Variants in GATAD2B observed in about 807,000 individuals in gnomAD.
GATAD2B encodes transcriptional repressor p66-beta.
In GATAD2B, 8 loss-of-function variants were observed where a neutral mutation model predicts 64.3. The ratio of observed to expected loss-of-function variants is 0.12; its 90% CI spans 0.07 to 0.22. The LOEUF is 0.22. Ranked by LOEUF, GATAD2B falls within the 10% of genes least tolerant of loss-of-function variation. The probability of loss-of-function intolerance (pLI) is 1.00; values close to 1 mark genes in which losing one functional copy is unlikely to be tolerated. For missense variants in GATAD2B, 453 were observed against 752.0 expected, an observed-to-expected ratio of 0.60 and a Z score of 4.65; for synonymous variants, 281 against 271.3, an observed-to-expected ratio of 1.04 and a Z score of -0.35.
chr1:153,889,482 G>C (rs895974417), intron 1 of GATAD2B, among the ~76,000 whole-genome samples: 4 of 150,612 alleles, frequency 2.7e-5, no homozygotes, highest in Non-Finnish European at 4.4e-5. Flanking sequence ...AATCACTCTG[G>C]GCAGGCAAGT....
intron 8 of GATAD2B, 143 bp from the exon 9 acceptor site, chr1:153,812,275 T>C: frequency 1.7e-6 from 1 of 593,912 alleles, no homozygotes; most frequent in Non-Finnish European, 3.0e-6. Context: ...AGCAATCCTC[T>C]CACCTTAGCC....
intron 1 of GATAD2B, among the ~76,000 whole-genome samples, chr1:153,895,439 T>C (rs1049691862): frequency 2.7e-5 from 4 of 148,824 alleles, no homozygotes; most frequent in Non-Finnish European, 6.0e-5. Context: ...AACCAACCAG[T>C]CGTGGTGGCA....
chr1:153,884,784 G>T (rs1677127005), intron 1 of GATAD2B, among the ~76,000 whole-genome samples: 1 of 151,902 alleles, frequency 6.6e-6, no homozygotes, highest in Non-Finnish European at 1.5e-5. Context: ...TTTCGAGACA[G>T]TCTCGCTCCG....
intron 1 of GATAD2B, among the ~76,000 whole-genome samples, chr1:153,893,978 A>C (rs564550424): frequency 6.7e-6 from 1 of 150,260 alleles, no homozygotes; most frequent in South Asian, 2.1e-4. Context: ...AAAAAAAAAA[A>C]AAAACCCAAA....
At chr1:153,845,304 C>T (rs1243391939) in intron 1 of GATAD2B, among the ~76,000 whole-genome samples, 1 of 151,786 alleles carries the variant, frequency 6.6e-6, no homozygotes, top group African/African-American at 2.4e-5. Flanking sequence ...ATTGCTCAAG[C>T]ACAGGAGGCT....
rs1253186282 is a variant in GATAD2B, at chr1:153,916,110, G to A, written c.-2+6623C>T. On this transcript the variant is annotated intron_variant, in intron 1 of 10. Transcript: ENST00000368655. ...GCCTGGGGCAACATGGTGAAACCTC[G>A]TCTCCACTAAAAATACAAAAATTAT... Among the ~76,000 whole-genome samples the A allele has an allele frequency of 3.3e-5, 5 of 151,906 alleles. No individual in the cohort carries two copies. In the East Asian group the frequency reaches 5.8e-4, roughly 18 times the overall value.
At chr1:153,861,782 A>G (rs1676291238) in intron 1 of GATAD2B, among the ~76,000 whole-genome samples, 1 of 52,398 alleles carries the variant, frequency 1.9e-5, no homozygotes, top group African/African-American at 6.7e-5. Context: ...ACTCCATTTC[A>G]AAAAAAAAAA....
In GATAD2B at chr1:153,855,684, T is replaced by TA. The variant is rs200407514; in HGVS notation, c.-1-27337_-1-27336insT. 1.3e-3 allele frequency among the ~76,000 whole-genome samples: 201 copies of TA among 150,774 alleles called. 1 individual carries two copies. The highest frequency in any genetic ancestry group is 2.6e-3 in the African/African-American group (107 of 41,100). On this transcript the variant is annotated intron_variant, in intron 1 of 10. Coordinates refer to ENST00000368655, the MANE Select transcript of GATAD2B (RefSeq NM_020699.4). ...GTATGGCTCCTACTTATTTTATATA[T>TA]TTTTTTTTTACACAGGGTCTGGCTC...
chr1:153,831,247 A>G (rs1675068605), intron 1 of GATAD2B, among the ~76,000 whole-genome samples: 1 of 152,212 alleles, frequency 6.6e-6, no homozygotes, highest in Non-Finnish European at 1.5e-5. Flanking sequence ...AGAAAACCAA[A>G]CACTGCCTGT....
Position 153,818,162 on chromosome 1 carries a change from C to A in GATAD2B, c.607G>T (p.Val203Leu). 1 of 1,601,322 alleles carries A rather than the reference C, an allele frequency of 6.2e-7. No homozygotes were observed. The highest frequency in any genetic ancestry group is 8.5e-7 in the Non-Finnish European group (1 of 1,174,938). ...KENVVQKTPV[V>L]QNAASIVQPS... ...TGAACAATAGATGCTGCATTCTGTA[C>A]AACTGGAGTCTGGGAGAGGGAAGAG... Residue 203 changes from valine to leucine, a missense_variant, in exon 5 of 11, where the codon GTA becomes TTA. By Grantham distance (32) the Val-to-Leu change is conservative (BLOSUM62 1). Transcript: ENST00000368655.
chr1:153,839,108 C>CAAAAAAAAAAAAAAAAAAAAAAAAA (rs35262137), intron 1 of GATAD2B, among the ~76,000 whole-genome samples: 18 of 78,566 alleles, frequency 2.3e-4, no homozygotes, highest in South Asian at 1.0e-3. Context: ...GACCCTGTCT[C>CAAAAAAAAAAAAAAAAAAAAAAAAA]AAAAAAAAAA....
intron 2 of GATAD2B, among the ~76,000 whole-genome samples, chr1:153,827,299 A>G (rs184318481): frequency 8.1e-4 from 123 of 151,842 alleles, no homozygotes; most frequent in Non-Finnish European, 7.2e-4. Flanking sequence ...AAGAAAAAAA[A>G]AACCCCAACT....
At chr1:153,907,213 A>G (rs551455821) in intron 1 of GATAD2B, among the ~76,000 whole-genome samples, 1 of 152,376 alleles carries the variant, frequency 6.6e-6, no homozygotes, top group Non-Finnish European at 1.5e-5. Flanking sequence ...AGTCATGTTC[A>G]CAGCAGCCTT....
chr1:153,907,821 T>C (rs1479015602), intron 1 of GATAD2B, among the ~76,000 whole-genome samples: 2 of 151,942 alleles, frequency 1.3e-5, no homozygotes, highest in African/African-American at 4.8e-5. Context: ...TTTGTGTTGT[T>C]TGAGATGGAG....
chr1:153,890,607 G>A (rs919327867), intron 1 of GATAD2B: 1 of 152,050 alleles, frequency 6.6e-6, no homozygotes, highest in African/African-American at 2.4e-5. Context: ...TGGCCGCAGA[G>A]GATGAAAAAG....
intron 1 of GATAD2B, among the ~76,000 whole-genome samples, chr1:153,872,316 CAAAAAAA>C (rs779386978): frequency 1.7e-5 from 1 of 58,704 alleles, no homozygotes; most frequent in African/African-American, 6.0e-5. Flanking sequence ...ACTCTGTCTC[CAAAAAAA>C]AAAAAAAAAA....
At chr1:153,817,342 T>C (rs780098216) in intron 6 of GATAD2B, 30 bp downstream of exon 6, 2 of 1,483,796 alleles carry the variant, frequency 1.3e-6, no homozygotes, top group East Asian at 4.8e-5. Context: ...GATTTCTCTG[T>C]TTCCACATTA....
At chr1:153,815,100 A>AAAAAAAAAAAAACCAACAAAG (rs1674414450) in intron 7 of GATAD2B, among the ~76,000 whole-genome samples, 1 of 144,134 alleles carries the variant, frequency 6.9e-6, no homozygotes, top group African/African-American at 2.5e-5. Flanking sequence ...AAAAAAAAAA[A>AAAAAAAAAAAAACCAACAAAG]AAAAAAAAAA....
chr1:153,819,963 C>T (rs1035421630), intron 2 of GATAD2B, among the ~76,000 whole-genome samples: 2 of 151,760 alleles, frequency 1.3e-5, no homozygotes, highest in South Asian at 2.1e-4. Flanking sequence ...CTGCGCATGG[C>T]GGCGCGCACC....
Sources: gnomAD v4.1 joint callset for allele counts (sites outside exome capture counted in the v4.1 genomes callset) on GRCh38, gnomAD v4.1.1 for gene constraint, MANE v1.5 for transcripts, NCBI Gene and HGNC (gene_info 2026-07-23, HGNC 2026-07-21) for gene names.